ELFN2: variants seen among roughly 807,000 people sequenced by gnomAD.
The protein encoded by ELFN2 is extracellular leucine rich repeat and fibronectin type III domain containing 2, also known as protein phosphatase 1 regulatory subunit 29.
Under a neutral mutation model 45.5 loss-of-function variants are expected in ELFN2, and 17 were observed. The observed-to-expected ratio is 0.37, with a 90% CI of 0.26 to 0.56. The LOEUF is 0.56. Among genes scored for constraint, ELFN2 ranks in the 20% least tolerant of loss-of-function variants. The pLI is 0.77. For missense variants in ELFN2, 922 were observed against 1,183.2 expected (o/e 0.78, Z 3.24); for synonymous variants, 550 against 551.5 (o/e 1.00, Z 0.04).
In ELFN2 at chr22:37,371,824, G is replaced by A. The variant is rs765026219; in HGVS notation, c.*1248C>T. On this transcript the variant is annotated 3_prime_UTR_variant, in exon 3 of 3. Transcript: ENST00000402918. This position sits in a 1 kb window ranked among gnomAD's most constrained non-coding sequence, Gnocchi z 6.4. Reference sequence around the variant, plus strand: ...ATGTTGGGTGGGGGGGTCAGAAAGAGGGAAGTGGCCATTGCCACGGAAACA... The same window carrying A: ...ATGTTGGGTGGGGGGGTCAGAAAGAAGGAAGTGGCCATTGCCACGGAAACA... 1.7e-4 allele frequency: 26 copies of A among 152,672 alleles called. No individual in the cohort carries two copies. Among genetic ancestry groups the A allele is most frequent in the African/African-American group, 5.1e-4 (21 of 41,462 alleles). The allele number at this position is 152,672 out of a possible 1,614,324, so 9.5% of individuals were successfully genotyped here.
At chr22:37,412,951 C>T (rs1932685578) in intron 2 of ELFN2, among the ~76,000 whole-genome samples, 1 of 152,220 alleles carries the variant, frequency 6.6e-6, no homozygotes, top group Admixed American at 6.5e-5. Flanking sequence ...TCTCCCTTCC[C>T]TTGACACAGT....
At chr22:37,381,114 C>T (rs1440594863) in intron 2 of ELFN2, among the ~76,000 whole-genome samples, 1 of 152,190 alleles carries the variant, frequency 6.6e-6, no homozygotes, top group Non-Finnish European at 1.5e-5. Flanking sequence ...GCCTCTAAGA[C>T]AGTCATATAC....
At chr22:37,342,338 CT>C (rs1307263477) in intron 2 of ELFN2, among the ~76,000 whole-genome samples, 1 of 152,210 alleles carries the variant, frequency 6.6e-6, no homozygotes, top group Non-Finnish European at 1.5e-5. Flanking sequence ...CATTATTGCC[CT>C]TTCTCTAGCC....
At chr22:37,403,958 G>A (rs1045323494) in intron 2 of ELFN2, among the ~76,000 whole-genome samples, 1 of 152,212 alleles carries the variant, frequency 6.6e-6, no homozygotes. Flanking sequence ...GACGTCCCCA[G>A]CACAAGGACA....
chr22:37,373,509 G>T lies in ELFN2; in HGVS notation c.2026C>A (p.Arg676=). The T allele has an allele frequency of 1.3e-6, 2 of 1,557,176 alleles. No individual in the cohort carries two copies. Among genetic ancestry groups the T allele is most frequent in the Non-Finnish European group, 1.7e-6 (2 of 1,153,158 alleles). Residue 676 remains arginine (R), a synonymous_variant, in exon 3 of 3, where the codon CGG becomes AGG. Transcript: ENST00000402918. ...CTGCCCGCCGGCACCAGCGGGAGCC[G>T]GTCCAGCGGGCTGTTGAGGGGGCTG... ...KGSPLNSPLD[R]LPLVPAGSGG... is the part of the protein sequence containing the mutation.
At chr22:37,392,836 A>T (rs1932118384) in intron 2 of ELFN2, among the ~76,000 whole-genome samples, 1 of 152,164 alleles carries the variant, frequency 6.6e-6, no homozygotes, top group African/African-American at 2.4e-5. Flanking sequence ...GACTTCCCAG[A>T]TGTATGTAAT....
intron 2 of ELFN2, among the ~76,000 whole-genome samples, chr22:37,392,921 C>T (rs902722889): frequency 6.6e-6 from 1 of 152,242 alleles, no homozygotes; most frequent in African/African-American, 2.4e-5. Flanking sequence ...CATTCAGACA[C>T]ACCTGCATAT....
chr22:37,397,371 C>A (rs933792324), intron 2 of ELFN2, among the ~76,000 whole-genome samples: 1 of 152,196 alleles, frequency 6.6e-6, no homozygotes, highest in African/African-American at 2.4e-5. Flanking sequence ...AGCTGGCATC[C>A]GTCTCCACTC....
chr22:37,349,972 C>G (rs1249662152), intron 1 of ELFN2, among the ~76,000 whole-genome samples: 1 of 150,902 alleles, frequency 6.6e-6, no homozygotes, highest in African/African-American at 2.4e-5. Flanking sequence ...CCCATGAGAT[C>G]GGAGAGCCAA....
At chr22:37,348,502 C>G (rs1414323687) in intron 1 of ELFN2, among the ~76,000 whole-genome samples, 2 of 150,790 alleles carry the variant, frequency 1.3e-5, no homozygotes, top group Non-Finnish European at 3.0e-5. Flanking sequence ...GGTGGCCTTC[C>G]TGGAGTGTCT....
At chr22:37,349,367 T>C (rs1335291535) in intron 1 of ELFN2, among the ~76,000 whole-genome samples, 1 of 151,100 alleles carries the variant, frequency 6.6e-6, no homozygotes, top group Non-Finnish European at 1.5e-5. Context: ...GGATCCACGG[T>C]GCCCCCGGCC....
At chr22:37,421,152 G>T (rs1190370231) in intron 1 of ELFN2, among the ~76,000 whole-genome samples, 1 of 152,140 alleles carries the variant, frequency 6.6e-6, no homozygotes, top group Non-Finnish European at 1.5e-5. Flanking sequence ...GGATGGTCCC[G>T]TGTGGTTGTT....
At chr22:37,393,343 ACCTGGG>A (rs1193136158) in intron 2 of ELFN2, among the ~76,000 whole-genome samples, 1 of 152,144 alleles carries the variant, frequency 6.6e-6, no homozygotes, top group Non-Finnish European at 1.5e-5. Context: ...CTCCACTCGC[ACCTGGG>A]CCTGGGCCTG....
At chr22:37,358,597 TG>T (rs764213397) in intron 1 of ELFN2, among the ~76,000 whole-genome samples, 229 of 152,342 alleles carry the variant, frequency 1.5e-3, no homozygotes, top group Non-Finnish European at 2.6e-3. Flanking sequence ...TGGTTGGAAC[TG>T]GGTCCCGTGG....
At chr22:37,382,525 G>A (rs1931816259) in intron 2 of ELFN2, among the ~76,000 whole-genome samples, 1 of 149,028 alleles carries the variant, frequency 6.7e-6, no homozygotes, top group Non-Finnish European at 1.5e-5. Context: ...TTATAGGCGT[G>A]AGCCACCACG....
chr22:37,392,778 G>A (rs1309931272), intron 2 of ELFN2, among the ~76,000 whole-genome samples: 1 of 152,158 alleles, frequency 6.6e-6, no homozygotes, highest in Non-Finnish European at 1.5e-5. Context: ...CTCAGTGGCT[G>A]CTAGAGACCT....
chr22:37,368,715 AG>A lies in ELFN2; in HGVS notation c.*4356del, dbSNP rs1237317354. 1 of 152,356 alleles carries A rather than the reference AG, an allele frequency of 6.6e-6. No individual in the cohort carries two copies. Among genetic ancestry groups the A allele is most frequent in the Non-Finnish European group, 1.5e-5 (1 of 68,136 alleles). 9.4% of individuals were successfully genotyped at this position (152,356 alleles called of 1,614,324 possible). ...CTTCCACGGGCAAAGTAAGCCCCTCAGGGCTGAGCTTCCCCAGGCTCCCCGA... is the reference window on the plus strand; with the variant it reads ...CTTCCACGGGCAAAGTAAGCCCCTCAGGCTGAGCTTCCCCAGGCTCCCCGA... On this transcript the variant is annotated 3_prime_UTR_variant, in exon 3 of 3. Transcript: ENST00000402918.
At chr22:37,387,356 C>A (rs1272090144) in intron 2 of ELFN2, among the ~76,000 whole-genome samples, 1 of 152,178 alleles carries the variant, frequency 6.6e-6, no homozygotes, top group African/African-American at 2.4e-5. Context: ...ATAACAAGAT[C>A]CTGGTGTATG....
chr22:37,375,710 T>C lies in ELFN2; in HGVS notation c.-176A>G. ...GCCAACTGCTGGGGATCTTCTAGGG[T>C]GCTACAGCAGGCACTAGGCCTGGCT... On this transcript the variant is annotated 5_prime_UTR_variant, in exon 3 of 3. Transcript: ENST00000402918. 2.7e-6 allele frequency: 2 copies of C among 748,872 alleles called. No individual in the cohort carries two copies. The highest frequency in any genetic ancestry group is 3.8e-5 in the South Asian group (2 of 52,544). The allele number at this position is 748,872 out of a possible 1,614,324, so 46.4% of individuals were successfully genotyped here.
Sources: gnomAD v4.1 joint callset for allele counts (sites outside exome capture counted in the v4.1 genomes callset) on GRCh38, gnomAD v4.1.1 for gene constraint, Gnocchi (gnomAD v3.1) non-coding constraint, MANE v1.5 for transcripts, NCBI Gene and HGNC (gene_info 2026-07-23, HGNC 2026-07-21) for gene names.